The following DACH2 variants were observed in gnomAD, a reference collection of about 807,000 sequenced individuals.
The protein encoded by DACH2 is dachshund family transcription factor 2.
In DACH2, 17 loss-of-function variants were observed where a neutral mutation model predicts 35.8. That is an observed-to-expected ratio of 0.48 (90% CI 0.33 to 0.71). The LOEUF (loss-of-function observed/expected upper bound fraction) is 0.71. DACH2 is among the 30% of genes least tolerant of loss of function. DACH2 has a pLI of 0.02. For synonymous variants in DACH2, 195 were observed against 177.3 expected (o/e 1.10, Z -0.79); for missense variants, 469 against 472.7 (o/e 0.99, Z 0.07).
intron 5 of DACH2, 102 bp from the exon 6 acceptor site, chrX:86,714,446 A>G: frequency 2.9e-6 from 2 of 679,669 alleles, no homozygotes. Context: ...ATATAATAAA[A>G]ATTGTTTTTA....
intron 1 of DACH2, among the ~76,000 whole-genome samples, chrX:86,182,157 T>C (rs935538923): frequency 4.5e-5 from 5 of 112,199 alleles, no homozygotes; most frequent in African/African-American, 1.6e-4. Flanking sequence ...CTGATGATCA[T>C]TTCTTTGGCT....
intron 7 of DACH2, among the ~76,000 whole-genome samples, chrX:86,765,698 G>GTTTTTT (rs60709865): frequency 0.016 from 384 of 24,522 alleles, no homozygotes; most frequent in Non-Finnish European, 0.017. Flanking sequence ...TTGTTTTTTG[G>GTTTTTT]TTTTTTTTTT....
intron 1 of DACH2, among the ~76,000 whole-genome samples, chrX:86,331,325 T>C (rs2035208965): frequency 9.0e-6 from 1 of 111,451 alleles, no homozygotes; most frequent in Non-Finnish European, 1.9e-5. Flanking sequence ...TTATACTGCT[T>C]CATGACACCT....
In DACH2 at chrX:86,814,769, G is replaced by T. The variant is rs1473130495; in HGVS notation, c.1619G>T (p.Arg540Leu). Residue 540 changes from arginine to leucine, a missense_variant, in exon 10 of 12, where the codon CGG (arginine) becomes CTG (leucine). By Grantham distance (102) the Arg-to-Leu change is moderately radical. Transcript: ENST00000373125. ...GCCTTGGAATTTGAATCAAAGCGCCGGGAGCAAGTGGAGCAGGCACTTAAG... is the reference window on the plus strand; with the variant it reads ...GCCTTGGAATTTGAATCAAAGCGCCTGGAGCAAGTGGAGCAGGCACTTAAG... ...QEALEFESKR[R>L]EQVEQALKQA... is the part of the protein sequence containing the mutation. 1 of 1,211,099 alleles carries T rather than the reference G, an allele frequency of 8.3e-7. No homozygotes were observed. Among genetic ancestry groups the T allele is most frequent in the Admixed American group, 2.2e-5 (1 of 45,947 alleles).
In DACH2 at chrX:86,832,281, A is replaced by AATC. The variant is rs1397639136; in HGVS notation, c.*127_*129dup. The AATC allele has an allele frequency of 5.6e-6, 3 of 540,078 alleles. No individual in the cohort carries two copies. Among genetic ancestry groups the AATC allele is most frequent in the Non-Finnish European group, 9.1e-6 (3 of 331,013 alleles). 44.5% of individuals were successfully genotyped at this position (540,078 alleles called of 1,213,427 possible). On this transcript the variant is annotated 3_prime_UTR_variant, in exon 12 of 12. Coordinates refer to ENST00000373125, the MANE Select transcript of DACH2 (RefSeq NM_053281.3). ...GCTTTGTTTACTGAAGGAGCTATTT[A>AATC]ATCTATGTTACATTAAAAAAGAAAC...
intron 7 of DACH2, among the ~76,000 whole-genome samples, chrX:86,788,536 A>AT (rs1226681351): frequency 3.6e-5 from 4 of 112,200 alleles, no homozygotes; most frequent in Non-Finnish European, 7.5e-5. Flanking sequence ...CTGCAATGAT[A>AT]TGCAAAACAT....
At chrX:86,233,738 G>A (rs752918174) in intron 1 of DACH2, among the ~76,000 whole-genome samples, 8 of 111,792 alleles carry the variant, frequency 7.2e-5, no homozygotes, top group Non-Finnish European at 1.5e-4. Context: ...CATGGTTGGG[G>A]AGGCCTCAGA....
At chrX:86,650,505 G>C (rs767496) in intron 3 of DACH2, among the ~76,000 whole-genome samples, 18,464 of 110,292 alleles carry the variant, frequency 0.17, 1,583 homozygotes, top group East Asian at 0.32. Context: ...ACACTCAAAG[G>C]GGTTTCATTT....
intron 2 of DACH2, among the ~76,000 whole-genome samples, chrX:86,463,119 G>A (rs935828136): frequency 2.7e-5 from 3 of 110,598 alleles, no homozygotes; most frequent in Non-Finnish European, 5.7e-5. Context: ...TCAATTCCAT[G>A]AACATTCCTG....
rs200104624 is a variant in DACH2, at chrX:86,599,448, CCCTT to C, written c.641-51574_641-51571del. On this transcript the variant is annotated intron_variant, in intron 3 of 11. Coordinates refer to ENST00000373125, the MANE Select transcript of DACH2 (RefSeq NM_053281.3). The stretch of plus-strand genomic sequence containing the variant: ...TCTTTCTCTTCCTCTCTCTTTCTTT[CCCTT>C]CCTTCCTTCCTTCTTTTCTTTCTTT... Among the ~76,000 whole-genome samples, 36 of 73,307 alleles carry C rather than the reference CCCTT, an allele frequency of 4.9e-4. No individual in the cohort carries two copies. In the Admixed American group the frequency reaches 5.2e-3, roughly 11 times the overall value. 63.7% of individuals were successfully genotyped at this position (73,307 alleles called of 115,157 possible).
At chrX:86,386,253 T>G (rs989356522) in intron 2 of DACH2, among the ~76,000 whole-genome samples, 1 of 111,359 alleles carries the variant, frequency 9.0e-6, no homozygotes, top group Non-Finnish European at 1.9e-5. Context: ...CACCTGATGC[T>G]TTTTTCATGA....
chrX:86,400,964 C>A (rs1359392108), intron 2 of DACH2, among the ~76,000 whole-genome samples: 2 of 112,416 alleles, frequency 1.8e-5, no homozygotes, highest in Admixed American at 1.9e-4. Context: ...TTGTCGGTGC[C>A]CTGCACCCAG....
chrX:86,382,461 T>TACACACACACACACAC lies in DACH2; in HGVS notation c.527+5628_527+5643dup, dbSNP rs55825336. Among the ~76,000 whole-genome samples, 491 of 94,600 alleles carry TACACACACACACACAC rather than the reference T, an allele frequency of 5.2e-3. 10 individuals carry two copies. The highest frequency in any genetic ancestry group is 0.018 in the African/African-American group (461 of 25,013). The allele number at this position is 94,600 out of a possible 115,157, so 82.1% of individuals were successfully genotyped here. ...CAGAGTTGCAAATATGCTACATTCA[T>TACACACACACACACAC]ACACACACACACACACACACACACA... On this transcript the variant is annotated intron_variant, in intron 2 of 11. Coordinates refer to ENST00000373125, the MANE Select transcript of DACH2 (RefSeq NM_053281.3).
At chrX:86,440,239 G>C (rs1369599931) in intron 2 of DACH2, among the ~76,000 whole-genome samples, 1 of 111,223 alleles carries the variant, frequency 9.0e-6, no homozygotes, top group Non-Finnish European at 1.9e-5. Context: ...TGCTCTAATA[G>C]TTGATTCGCC....
chrX:86,556,984 T>A (rs2223364), intron 3 of DACH2, among the ~76,000 whole-genome samples: 94 of 105,332 alleles, frequency 8.9e-4, no homozygotes, highest in African/African-American at 3.0e-3. Flanking sequence ...GGCATAACTC[T>A]AAGATCTACA....
At chrX:86,422,232 A>G (rs1346591483) in intron 2 of DACH2, among the ~76,000 whole-genome samples, 1 of 111,203 alleles carries the variant, frequency 9.0e-6, no homozygotes, top group East Asian at 2.8e-4. Context: ...TCTACAGGGA[A>G]AAAAAGGTGC....
chrX:86,355,678 G>A (rs1447156743), intron 1 of DACH2, among the ~76,000 whole-genome samples: 1 of 111,285 alleles, frequency 9.0e-6, no homozygotes, highest in Non-Finnish European at 1.9e-5. Flanking sequence ...ACAGGTGCGG[G>A]CCACCACACC....
At chrX:86,516,170 A>C (rs1197290664) in intron 3 of DACH2, among the ~76,000 whole-genome samples, 1 of 111,930 alleles carries the variant, frequency 8.9e-6, no homozygotes, top group Non-Finnish European at 1.9e-5. Flanking sequence ...CCCTGTGCAT[A>C]TAAATGAAGA....
chrX:86,776,176 C>G lies in DACH2; in HGVS notation c.1240+36294C>G, dbSNP rs753566432. Among the ~76,000 whole-genome samples the G allele has an allele frequency of 4.5e-5, 5 of 111,709 alleles. No homozygotes were observed. In the South Asian group the frequency reaches 1.9e-3, roughly 42 times the overall value. Reference sequence around the variant, plus strand: ...AGTTTAGACTGCTATAACAAGAATACCATAAACGGAGTGACTTAAACAGCA... The same window carrying G: ...AGTTTAGACTGCTATAACAAGAATAGCATAAACGGAGTGACTTAAACAGCA... On this transcript the variant is annotated intron_variant, in intron 7 of 11. Transcript: ENST00000373125.
Sources: allele counts gnomAD v4.1 joint callset (sites outside exome capture counted in the v4.1 genomes callset), GRCh38; gene constraint gnomAD v4.1.1; transcripts MANE v1.5; gene names NCBI Gene and HGNC (gene_info 2026-07-23, HGNC 2026-07-21).